CNBD1: variants seen among roughly 807,000 people sequenced by gnomAD.
The protein encoded by CNBD1 is cyclic nucleotide-binding domain-containing protein 1.
A neutral mutation model predicts 54.4 loss-of-function variants in CNBD1; 71 were observed. The ratio of observed to expected loss-of-function variants is 1.30; its 90% confidence interval spans 1.08 to 1.59. The LOEUF (loss-of-function observed/expected upper bound fraction) is 1.59, where lower values mean the gene tolerates loss of function less well. Ranked by LOEUF, CNBD1 falls within the 40% of genes most tolerant of loss-of-function variation. The pLI, the probability that CNBD1 is intolerant of heterozygous loss-of-function variation, is 0.00. For synonymous variants in CNBD1, 182 were observed against 170.7 expected (o/e 1.07, Z -0.51); for missense variants, 659 against 518.0 (o/e 1.27, Z -2.64).
intron 4 of CNBD1, among the ~76,000 whole-genome samples, chr8:87,036,058 A>G (rs996805254): frequency 2.0e-5 from 3 of 152,184 alleles, no homozygotes; most frequent in Non-Finnish European, 2.9e-5. Context: ...TTGCACCTCC[A>G]TAGCCCATTG....
intron 8 of CNBD1, among the ~76,000 whole-genome samples, chr8:87,345,874 T>A (rs1364336073): frequency 1.3e-5 from 2 of 151,874 alleles, no homozygotes; most frequent in Non-Finnish European, 2.9e-5. Flanking sequence ...AGTTAAGGAG[T>A]ATTTCTACCT....
intron 4 of CNBD1, among the ~76,000 whole-genome samples, chr8:87,078,044 A>C (rs1372562612): frequency 6.6e-6 from 1 of 152,202 alleles, no homozygotes; most frequent in Non-Finnish European, 1.5e-5. Flanking sequence ...TCCAAATGTC[A>C]TCACATTAAA....
chr8:86,930,349 G>A (rs1457153937), intron 3 of CNBD1, among the ~76,000 whole-genome samples: 2 of 152,184 alleles, frequency 1.3e-5, no homozygotes, highest in Non-Finnish European at 2.9e-5. Context: ...AAGGTCAAGA[G>A]ATCTAGAGTA....
chr8:87,170,928 A>C (rs1813071748), intron 4 of CNBD1, among the ~76,000 whole-genome samples: 1 of 152,022 alleles, frequency 6.6e-6, no homozygotes, highest in Non-Finnish European at 1.5e-5. Context: ...TATTTACTTG[A>C]GGATTTTGCA....
intron 4 of CNBD1, among the ~76,000 whole-genome samples, chr8:87,009,627 T>A (rs1809173999): frequency 6.6e-6 from 1 of 152,134 alleles, no homozygotes; most frequent in South Asian, 2.1e-4. Context: ...ACTATTGTTT[T>A]ATACAGTTAC....
chr8:87,395,410 A>G (rs992467169), intron 2 of CNBD1, among the ~76,000 whole-genome samples: 4 of 151,960 alleles, frequency 2.6e-5, no homozygotes, highest in African/African-American at 7.2e-5. Flanking sequence ...AGCATATGTT[A>G]TATAATATAT....
intron 4 of CNBD1, among the ~76,000 whole-genome samples, chr8:87,186,728 T>A (rs1377445332): frequency 1.3e-5 from 2 of 152,064 alleles, no homozygotes; most frequent in Non-Finnish European, 2.9e-5. Context: ...TAAATAAAAA[T>A]TCCCATTTTA....
chr8:87,351,757 GTAT>G lies in CNBD1; in HGVS notation c.1119_1121del (p.Ile374del), dbSNP rs201174674. 21,997 of 1,522,492 alleles carry G rather than the reference GTAT, an allele frequency of 0.014. 258 individuals carry two copies. Among genetic ancestry groups the G allele is most frequent in the Middle Eastern group, 0.04 (234 of 5,840 alleles). The allele number at this position is 1,522,492 out of a possible 1,614,324, so 94.3% of individuals were successfully genotyped here. On this transcript the variant is annotated inframe_deletion, in exon 9 of 11. Transcript: ENST00000518476. ...TCTGGATGCTGTAACATTTATAGAA[GTAT>G]TATAGGATTTGTGAAACTACGATCA...
chr8:86,994,832 C>A (rs1171245413), intron 4 of CNBD1, among the ~76,000 whole-genome samples: 2 of 152,138 alleles, frequency 1.3e-5, no homozygotes, highest in Non-Finnish European at 2.9e-5. Context: ...GTGGGAGTGG[C>A]ACTTCCTGCC....
chr8:87,223,807 G>A (rs1259063375), intron 5 of CNBD1, among the ~76,000 whole-genome samples: 1 of 152,022 alleles, frequency 6.6e-6, no homozygotes, highest in African/African-American at 2.4e-5. Flanking sequence ...GATCCCTGAG[G>A]AATCGCCACA....
chr8:87,148,916 CA>C (rs1311220583), intron 4 of CNBD1, among the ~76,000 whole-genome samples: 1 of 152,094 alleles, frequency 6.6e-6, no homozygotes, highest in Non-Finnish European at 1.5e-5. Context: ...AACAAACAAA[CA>C]AAAAACTCAG....
chr8:87,137,321 C>A (rs938938549), intron 4 of CNBD1, among the ~76,000 whole-genome samples: 7 of 150,798 alleles, frequency 4.6e-5, no homozygotes, highest in Admixed American at 1.3e-4. Context: ...CTCAGCCTCC[C>A]GAGTAGCTGG....
chr8:86,977,731 T>C (rs1808374354), intron 4 of CNBD1, among the ~76,000 whole-genome samples: 1 of 152,060 alleles, frequency 6.6e-6, no homozygotes, highest in Non-Finnish European at 1.5e-5. Context: ...AGTAAGTAGA[T>C]TGAAACAGGA....
chr8:87,407,091 T>C (rs771999676), intron 2 of CNBD1, among the ~76,000 whole-genome samples: 13 of 152,054 alleles, frequency 8.5e-5, no homozygotes, highest in Non-Finnish European at 1.8e-4. Flanking sequence ...AATGAACCCA[T>C]CTGTTAATCA....
chr8:87,155,434 G>T (rs1812694637), intron 4 of CNBD1, among the ~76,000 whole-genome samples: 1 of 152,180 alleles, frequency 6.6e-6, no homozygotes, highest in Non-Finnish European at 1.5e-5. Context: ...AAGGACAGCA[G>T]TAATCCAGAC....
rs115303971 is a variant in CNBD1, at chr8:86,872,962, A to T, written c.88+6379A>T. ...CTACATTGACTTTTGTTCCCTGTGTATATGAGAAAGCTGAGGCAGGAGGAT... is the reference window on the plus strand; with the variant it reads ...CTACATTGACTTTTGTTCCCTGTGTTTATGAGAAAGCTGAGGCAGGAGGAT... On this transcript the variant is annotated intron_variant, in intron 1 of 10. Coordinates refer to ENST00000518476, the MANE Select transcript of CNBD1 (RefSeq NM_173538.3). 2.7e-3 allele frequency among the ~76,000 whole-genome samples: 412 copies of T among 152,242 alleles called. 1 individual carries two copies. The highest frequency in any genetic ancestry group is 9.4e-3 in the African/African-American group (390 of 41,540).
At chr8:87,271,566 C>A (rs1019601010) in intron 6 of CNBD1, among the ~76,000 whole-genome samples, 1 of 151,794 alleles carries the variant, frequency 6.6e-6, no homozygotes, top group African/African-American at 2.4e-5. Context: ...CGAGGTTCCT[C>A]TTGTTAGAAT....
At chr8:87,075,259 T>C (rs572831906) in intron 4 of CNBD1, among the ~76,000 whole-genome samples, 1 of 152,322 alleles carries the variant, frequency 6.6e-6, no homozygotes, top group East Asian at 1.9e-4. Context: ...AGGTAAAACA[T>C]ATAGGATGCC....
At chr8:87,258,740 G>A (rs941965251) in intron 6 of CNBD1, among the ~76,000 whole-genome samples, 3 of 152,026 alleles carry the variant, frequency 2.0e-5, no homozygotes, top group African/African-American at 7.2e-5. Flanking sequence ...TTGACCATAA[G>A]GTGAGATTTT....
Sources: gnomAD v4.1 joint callset for allele counts (sites outside exome capture counted in the v4.1 genomes callset) on GRCh38, gnomAD v4.1.1 for gene constraint, MANE v1.5 for transcripts, NCBI Gene and HGNC (gene_info 2026-07-23, HGNC 2026-07-21) for gene names.